BTBD10: variants seen among roughly 807,000 people sequenced by gnomAD.
BTBD10 encodes the protein BTB/POZ domain-containing protein 10.
A neutral mutation model predicts 53.2 loss-of-function variants in BTBD10; 21 were observed. The observed-to-expected ratio is 0.39, with a 90% CI of 0.28 to 0.57. The LOEUF is 0.57. Ranked by LOEUF, BTBD10 falls within the 20% of genes least tolerant of loss-of-function variation. The pLI is 0.53. For missense variants in BTBD10, 360 were observed against 594.7 expected (o/e 0.61, Z 4.10); for synonymous variants, 149 against 192.7 (o/e 0.77, Z 1.88).
At chr11:13,458,645 C>A (rs1219565731) in intron 1 of BTBD10, among the ~76,000 whole-genome samples, 1 of 152,192 alleles carries the variant, frequency 6.6e-6, no homozygotes, top group Non-Finnish European at 1.5e-5. Flanking sequence ...TTTAAAGTTA[C>A]TTTCAGTATT....
intron 2 of BTBD10, among the ~76,000 whole-genome samples, chr11:13,435,995 T>C (rs7102998): frequency 0.15 from 22,954 of 152,222 alleles, 1,984 homozygotes; most frequent in Admixed American, 0.24. Flanking sequence ...TTTGATGTTA[T>C]TGTAATTCAG....
intron 8 of BTBD10, among the ~76,000 whole-genome samples, chr11:13,396,805 T>G (rs563049291): frequency 1.3e-4 from 20 of 152,262 alleles, no homozygotes; most frequent in African/African-American, 3.8e-4. Context: ...TAATCATGTG[T>G]TTTTTGTCTT....
chr11:13,429,251 A>G (rs1416707783), intron 2 of BTBD10, among the ~76,000 whole-genome samples: 2 of 152,200 alleles, frequency 1.3e-5, no homozygotes, highest in African/African-American at 4.8e-5. Context: ...CATAATCCCA[A>G]TGGAAAACCA....
intron 2 of BTBD10, among the ~76,000 whole-genome samples, chr11:13,434,173 T>C (rs1284226061): frequency 6.6e-6 from 1 of 152,184 alleles, no homozygotes; most frequent in Non-Finnish European, 1.5e-5. Flanking sequence ...AATCCTGACA[T>C]CTTTCTCTTC....
rs554624733 is a variant in BTBD10, at chr11:13,450,979, T to C, written c.-57-5798A>G. On this transcript the variant is annotated intron_variant, in intron 1 of 8. Coordinates refer to ENST00000278174, the MANE Select transcript of BTBD10 (RefSeq NM_032320.7). ...TTTGAAGTTTTTTTGCTGAGTGGCC[T>C]CCCCATCCCTCACAAATATGGTGAA... is the stretch of plus-strand genomic sequence containing the variant. Among the ~76,000 whole-genome samples the C allele has an allele frequency of 4.6e-5, 7 of 152,202 alleles. No individual in the cohort carries two copies. In the East Asian group the frequency reaches 1.2e-3, roughly 25 times the overall value.
At chr11:13,398,504 A>T (rs961355355) in intron 8 of BTBD10, among the ~76,000 whole-genome samples, 1 of 152,178 alleles carries the variant, frequency 6.6e-6, no homozygotes, top group African/African-American at 2.4e-5. Context: ...CCAATTTGCC[A>T]GTCTGTGTCT....
At chr11:13,446,776 TATGTCA>T (rs1365233720) in intron 1 of BTBD10, among the ~76,000 whole-genome samples, 1 of 152,136 alleles carries the variant, frequency 6.6e-6, no homozygotes, top group African/African-American at 2.4e-5. Flanking sequence ...AACATAAAAA[TATGTCA>T]ATGTCATCTG....
intron 2 of BTBD10, among the ~76,000 whole-genome samples, chr11:13,442,207 C>T (rs1950667682): frequency 1.3e-5 from 2 of 151,998 alleles, no homozygotes; most frequent in Admixed American, 1.3e-4. Flanking sequence ...CTCAAACATA[C>T]CTAAATAAAA....
At chr11:13,439,757 T>C in intron 2 of BTBD10, 1 of 703,788 alleles carries the variant, frequency 1.4e-6, no homozygotes, top group South Asian at 2.5e-5. Flanking sequence ...CATATGATCT[T>C]TATCTTTAGT....
intron 6 of BTBD10, among the ~76,000 whole-genome samples, chr11:13,408,862 T>C (rs1949881791): frequency 6.6e-6 from 1 of 152,180 alleles, no homozygotes; most frequent in Non-Finnish European, 1.5e-5. Context: ...ACAATTCCCC[T>C]TTTGGTCCAT....
intron 1 of BTBD10, among the ~76,000 whole-genome samples, chr11:13,452,464 G>GA (rs1468635084): frequency 3.3e-5 from 5 of 152,068 alleles, no homozygotes; most frequent in African/African-American, 4.8e-5. Flanking sequence ...AATTTTAAAA[G>GA]AAAAAATCAG....
chr11:13,419,665 C>T lies in BTBD10; in HGVS notation c.379G>A (p.Ala127Thr). 3.7e-6 allele frequency: 6 copies of T among 1,614,076 alleles called. No individual in the cohort carries two copies. Among genetic ancestry groups the T allele is most frequent in the Non-Finnish European group, 5.1e-6 (6 of 1,179,984 alleles). The stretch of plus-strand genomic sequence containing the variant: ...CTACTGTTTCTGCTGCTGTTCCCAG[C>T]ACTGCTAATGGAACCATTTGGGGAT... ...KASPNGSISS[A>T]GNSSRNSSQS... The change falls in exon 4 of 9, where the codon GCT becomes ACT. Residue 127 changes from alanine (A) to threonine (T), a missense_variant. Transcript: ENST00000278174.
At chr11:13,412,748 G>A (rs1206736613) in intron 6 of BTBD10, among the ~76,000 whole-genome samples, 4 of 152,006 alleles carry the variant, frequency 2.6e-5, no homozygotes, top group Non-Finnish European at 4.4e-5. Flanking sequence ...ACTCTTCCAC[G>A]ATCCTTAGCC....
rs1949305395 is a variant in BTBD10 at position 13,388,297 on chromosome 11, A to AGAT, written c.*531_*533dup. 1 of 154,186 alleles carries AGAT rather than the reference A, an allele frequency of 6.5e-6. No individual in the cohort carries two copies. The highest frequency in any genetic ancestry group is 1.4e-5 in the Non-Finnish European group (1 of 69,028). The allele number at this position is 154,186 out of a possible 1,614,324, so 9.6% of individuals were successfully genotyped here. A position where few individuals can be genotyped will look rare whatever the true frequency, so the allele number is the denominator to read the frequency against. ...GCATTAAATCTCATCCTGATCATTC[A>AGAT]GATAAGCCCAAGATAAATACTTTTT... On this transcript the variant is annotated 3_prime_UTR_variant, in exon 9 of 9. Coordinates refer to ENST00000278174, the MANE Select transcript of BTBD10 (RefSeq NM_032320.7).
chr11:13,434,835 T>C (rs1950518932), intron 2 of BTBD10, among the ~76,000 whole-genome samples: 1 of 152,192 alleles, frequency 6.6e-6, no homozygotes, highest in African/African-American at 2.4e-5. Flanking sequence ...CTATATATTT[T>C]GAAGAATATG....
chr11:13,412,239 A>G (rs1013166412), intron 6 of BTBD10, among the ~76,000 whole-genome samples: 12 of 152,076 alleles, frequency 7.9e-5, no homozygotes, highest in African/African-American at 2.9e-4. Context: ...GCATCATCTG[A>G]GCTCAGGAGT....
chr11:13,452,583 G>C (rs1950883793), intron 1 of BTBD10, among the ~76,000 whole-genome samples: 1 of 151,996 alleles, frequency 6.6e-6, no homozygotes, highest in South Asian at 2.1e-4. Flanking sequence ...ACCATAGCAA[G>C]CATACTTAAT....
intron 4 of BTBD10, among the ~76,000 whole-genome samples, chr11:13,418,034 A>T (rs1565245424): frequency 1.3e-5 from 2 of 152,172 alleles, no homozygotes; most frequent in Non-Finnish European, 2.9e-5. Context: ...CAGAAAATTT[A>T]AAAATCATGA....
chr11:13,444,319 A>C (rs1950716661), intron 2 of BTBD10, among the ~76,000 whole-genome samples: 1 of 152,136 alleles, frequency 6.6e-6, no homozygotes, highest in Admixed American at 6.6e-5. Flanking sequence ...TCCCCTAAGT[A>C]ATATTCATAG....
Sources: gnomAD v4.1 joint callset for allele counts (sites outside exome capture counted in the v4.1 genomes callset) on GRCh38, gnomAD v4.1.1 for gene constraint, MANE v1.5 for transcripts, NCBI Gene and HGNC (gene_info 2026-07-23, HGNC 2026-07-21) for gene names.